Variants in HRH1 observed in about 807,000 individuals in gnomAD.
HRH1 encodes histamine H1 receptor.
A neutral mutation model predicts 10.3 loss-of-function variants in HRH1; 6 were observed. The ratio of observed to expected loss-of-function variants is 0.58; its 90% CI spans 0.32 to 1.15. The LOEUF is 1.15. Ranked by LOEUF, HRH1 falls within the 50% of genes most tolerant of loss-of-function variation. The probability of loss-of-function intolerance (pLI) is 0.05; values close to 1 mark genes in which losing one functional copy is unlikely to be tolerated. For missense variants in HRH1, 514 were observed against 615.3 expected (o/e 0.84, Z 1.74); for synonymous variants, 242 against 236.7 (o/e 1.02, Z -0.21).
At chr3:11,234,178 T>C (rs1363684768) in intron 1 of HRH1, 2 of 871,630 alleles carry the variant, frequency 2.3e-6, no homozygotes, top group Non-Finnish European at 3.6e-6. Flanking sequence ...AGACACTTTC[T>C]TGGAAGGTGA....
At chr3:11,258,946 T>C in intron 1 of HRH1, 57 bp from the exon 2 acceptor site, 8 of 1,244,544 alleles carry the variant, frequency 6.4e-6, no homozygotes, top group Non-Finnish European at 9.0e-6. Context: ...ATCATGCTAC[T>C]AAGTGGCCAC....
chr3:11,238,654 T>C (rs759757424), intron 1 of HRH1, among the ~76,000 whole-genome samples: 6 of 152,240 alleles, frequency 3.9e-5, no homozygotes, highest in African/African-American at 9.6e-5. Flanking sequence ...AATCCAAGTT[T>C]AGAACATTTC....
intron 1 of HRH1, among the ~76,000 whole-genome samples, chr3:11,231,282 A>T (rs181994469): frequency 6.6e-6 from 1 of 152,184 alleles, no homozygotes; most frequent in Non-Finnish European, 1.5e-5. Context: ...TATGAATAAA[A>T]CTGCTATAAG....
intron 1 of HRH1, among the ~76,000 whole-genome samples, chr3:11,251,801 G>T (rs1226448179): frequency 2.6e-5 from 4 of 152,216 alleles, no homozygotes; most frequent in Non-Finnish European, 5.9e-5. Context: ...GGATAGTTCT[G>T]TTCTGGTGAG....
At chr3:11,146,405 C>A (rs919097329) in intron 1 of HRH1, among the ~76,000 whole-genome samples, 6 of 152,200 alleles carry the variant, frequency 3.9e-5, no homozygotes, top group Admixed American at 6.5e-5. Context: ...CTTTTCCAGG[C>A]TTTTGAGTTT....
intron 1 of HRH1, among the ~76,000 whole-genome samples, chr3:11,251,783 C>G (rs749772934): frequency 6.6e-6 from 1 of 152,212 alleles, no homozygotes; most frequent in Non-Finnish European, 1.5e-5. Flanking sequence ...TTTCTGCCTT[C>G]TGATTTAGGA....
upstream of HRH1, among the ~76,000 whole-genome samples, chr3:11,151,670 T>C (rs1296448073): frequency 1.3e-5 from 2 of 152,044 alleles, no homozygotes; most frequent in Non-Finnish European, 2.9e-5. Flanking sequence ...GCTAATTTAT[T>C]TATTTTTTGT....
chr3:11,197,216 A>G (rs1433163903), intron 1 of HRH1, among the ~76,000 whole-genome samples: 3 of 151,828 alleles, frequency 2.0e-5, no homozygotes, highest in Non-Finnish European at 4.4e-5. Flanking sequence ...ATTCATGAGC[A>G]TGTTAAATCT....
chr3:11,251,714 A>G (rs904213867), intron 1 of HRH1, among the ~76,000 whole-genome samples: 2 of 152,202 alleles, frequency 1.3e-5, no homozygotes, highest in Non-Finnish European at 2.9e-5. Flanking sequence ...TTCGGATTAA[A>G]TCATCTTTTT....
chr3:11,179,331 T>G (rs1937306664), intron 1 of HRH1, among the ~76,000 whole-genome samples: 1 of 150,420 alleles, frequency 6.6e-6, no homozygotes, highest in Non-Finnish European at 1.5e-5. Flanking sequence ...AAAAAGAAAG[T>G]CAGCCAGGGC....
chr3:11,243,218 G>C (rs1939396083), intron 1 of HRH1, among the ~76,000 whole-genome samples: 1 of 152,178 alleles, frequency 6.6e-6, no homozygotes, highest in African/African-American at 2.4e-5. Context: ...CCGACCCTGG[G>C]TCTTGTTTTT....
chr3:11,204,616 G>C (rs1326898779), intron 1 of HRH1, among the ~76,000 whole-genome samples: 1 of 152,190 alleles, frequency 6.6e-6, no homozygotes, highest in Non-Finnish European at 1.5e-5. Flanking sequence ...CAAAAAGGGA[G>C]GGCATGGAGA....
At chr3:11,220,196 C>T (rs1311693119) in intron 1 of HRH1, among the ~76,000 whole-genome samples, 6 of 152,118 alleles carry the variant, frequency 3.9e-5, no homozygotes, top group Admixed American at 3.9e-4. Context: ...AATCCCCTAA[C>T]ACCACGCCTG....
intron 1 of HRH1, among the ~76,000 whole-genome samples, chr3:11,160,422 A>G (rs1390500154): frequency 6.6e-6 from 1 of 152,246 alleles, no homozygotes; most frequent in Non-Finnish European, 1.5e-5. Context: ...TTATTCAGAT[A>G]GGAAAACAAG....
At position 11,261,157 on chromosome 3, in the gene HRH1, G is replaced by A. The variant is rs1939943741; in HGVS notation, c.*656G>A. 1 of 167,070 alleles carries A rather than the reference G, an allele frequency of 6.0e-6. No individual in the cohort carries two copies. Among genetic ancestry groups the A allele is most frequent in the African/African-American group, 2.4e-5 (1 of 41,438 alleles). 10.3% of individuals were successfully genotyped at this position (167,070 alleles called of 1,614,324 possible). A position where few individuals can be genotyped will look rare whatever the true frequency, so the allele number is the denominator to read the frequency against. On this transcript the variant is annotated 3_prime_UTR_variant, in exon 2 of 2. Coordinates refer to ENST00000431010, the MANE Select transcript of HRH1 (RefSeq NM_001098212.2). The stretch of plus-strand genomic sequence containing the variant: ...GCCTTATTATTTCTTACTCAAACAT[G>A]TTTAGAGTGGATAGAAAATTATGCA...
chr3:11,252,631 G>C (rs1337813713), intron 1 of HRH1: 1 of 152,124 alleles, frequency 6.6e-6, no homozygotes, highest in Non-Finnish European at 1.5e-5. Context: ...ATCTATTACT[G>C]TACTATCTGA....
At chr3:11,221,453 G>A (rs1938707887) in intron 1 of HRH1, among the ~76,000 whole-genome samples, 1 of 151,836 alleles carries the variant, frequency 6.6e-6, no homozygotes, top group South Asian at 2.1e-4. Context: ...TACTTGGGAG[G>A]CTGAGGCAGG....
chr3:11,202,919 C>G (rs1293194193), intron 1 of HRH1, among the ~76,000 whole-genome samples: 2 of 152,224 alleles, frequency 1.3e-5, no homozygotes, highest in African/African-American at 4.8e-5. Context: ...ATCCCTTCCC[C>G]TGCCCAAATC....
intron 1 of HRH1, among the ~76,000 whole-genome samples, chr3:11,216,644 C>T (rs1023390845): frequency 3.9e-5 from 6 of 152,014 alleles, no homozygotes; most frequent in South Asian, 2.1e-4. Flanking sequence ...TTTGGGAGAC[C>T]GAGGCAGGTG....
Sources: gnomAD v4.1 joint callset for allele counts (sites outside exome capture counted in the v4.1 genomes callset) on GRCh38, gnomAD v4.1.1 for gene constraint, MANE v1.5 for transcripts, NCBI Gene and HGNC (gene_info 2026-07-23, HGNC 2026-07-21) for gene names.